Variants in FAM110B observed in about 807,000 individuals in gnomAD.
FAM110B encodes protein FAM110B.
FAM110B carries 6 observed loss-of-function variants against 20.4 expected under a neutral mutation model. The ratio of observed to expected loss-of-function variants is 0.29; its 90% CI spans 0.16 to 0.58. The LOEUF (loss-of-function observed/expected upper bound fraction) is 0.58, where lower values mean the gene tolerates loss of function less well. Among genes scored for constraint, FAM110B ranks in the 20% least tolerant of loss-of-function variants. The pLI, the probability that FAM110B is intolerant of heterozygous loss-of-function variation, is 0.90. For missense variants in FAM110B, 434 were observed against 498.2 expected (o/e 0.87, Z 1.23); for synonymous variants, 226 against 214.1 (o/e 1.06, Z -0.49).
chr8:58,055,982 G>A (rs1563353325), intron 2 of FAM110B, among the ~76,000 whole-genome samples: 1 of 152,202 alleles, frequency 6.6e-6, no homozygotes, highest in Non-Finnish European at 1.5e-5. Context: ...GATTCCACTT[G>A]ATGTTTTAGT....
chr8:58,022,485 A>T (rs958061399), intron 1 of FAM110B, among the ~76,000 whole-genome samples: 2 of 152,184 alleles, frequency 1.3e-5, no homozygotes, highest in African/African-American at 4.8e-5. Flanking sequence ...TACTTACTCC[A>T]CTGAACTGTA....
chr8:58,039,423 T>C (rs892120952), intron 2 of FAM110B, among the ~76,000 whole-genome samples: 1 of 152,208 alleles, frequency 6.6e-6, no homozygotes, highest in Admixed American at 6.5e-5. Context: ...GGCCTTTGTC[T>C]CCAGCTTCAC....
chr8:58,106,172 T>C (rs936706408), intron 3 of FAM110B: 2 of 152,210 alleles, frequency 1.3e-5, no homozygotes, highest in African/African-American at 4.8e-5. Context: ...TTAGTTACCA[T>C]AGTATATTAA....
intron 1 of FAM110B, among the ~76,000 whole-genome samples, chr8:58,010,028 T>G (rs1804496067): frequency 6.6e-6 from 1 of 152,098 alleles, no homozygotes; most frequent in African/African-American, 2.4e-5. Context: ...CTGGTGAAAC[T>G]CGGTTTGAGA....
rs1804287592 is a variant in FAM110B at position 58,001,194 on chromosome 8, C to T, written c.-512+6388C>T. On this transcript the variant is annotated intron_variant, in intron 1 of 3. Coordinates refer to ENST00000519262, the MANE Select transcript of FAM110B (RefSeq NM_001377989.1). ...CTTCTTAGTGAATCTGTATGTTCCT[C>T]TCTTATTGGTGGAGAGTAGTACAGT... Among the ~76,000 whole-genome samples, 6 of 152,044 alleles carry T rather than the reference C, an allele frequency of 3.9e-5. No homozygotes were observed. In the South Asian group the frequency reaches 1.2e-3, roughly 32 times the overall value.
chr8:58,118,646 G>T (rs10096582), intron 3 of FAM110B, among the ~76,000 whole-genome samples: 4,625 of 152,248 alleles, frequency 0.03, 123 homozygotes, highest in South Asian at 0.09. Context: ...CACACTTTTA[G>T]TTACAAAGCA....
At chr8:58,125,209 G>A (rs1052501015) in intron 3 of FAM110B, among the ~76,000 whole-genome samples, 7 of 152,138 alleles carry the variant, frequency 4.6e-5, no homozygotes, top group African/African-American at 9.7e-5. Flanking sequence ...TTAGCTGGGC[G>A]TGGTGGCGCA....
At chr8:58,106,850 G>A (rs1806930598) in intron 3 of FAM110B, among the ~76,000 whole-genome samples, 1 of 152,206 alleles carries the variant, frequency 6.6e-6, no homozygotes. Context: ...AAGACTGAAA[G>A]TCTAAAACCT....
At chr8:58,138,644 T>C (rs2150640718) in intron 3 of FAM110B, among the ~76,000 whole-genome samples, 1 of 152,316 alleles carries the variant, frequency 6.6e-6, no homozygotes, top group African/African-American at 2.4e-5. Context: ...TCCAGTAGAC[T>C]TGCTAGCTTG....
At chr8:58,083,311 T>A (rs1020292994) in intron 3 of FAM110B, among the ~76,000 whole-genome samples, 1 of 152,172 alleles carries the variant, frequency 6.6e-6, no homozygotes, top group African/African-American at 2.4e-5. Flanking sequence ...TTATGTTTAG[T>A]TGTAGTTGAA....
At chr8:58,123,339 C>G (rs1807412021) in intron 3 of FAM110B, among the ~76,000 whole-genome samples, 1 of 152,202 alleles carries the variant, frequency 6.6e-6, no homozygotes, top group Non-Finnish European at 1.5e-5. Context: ...CAAATGCACT[C>G]ACTTCTCCCT....
chr8:58,045,681 G>T (rs1227161641), intron 2 of FAM110B, among the ~76,000 whole-genome samples: 1 of 152,154 alleles, frequency 6.6e-6, no homozygotes, highest in Non-Finnish European at 1.5e-5. Flanking sequence ...TCGGCCATCT[G>T]TGAAAACCAC....
At chr8:58,079,673 C>T (rs113840493) in intron 3 of FAM110B, among the ~76,000 whole-genome samples, 4,199 of 151,830 alleles carry the variant, frequency 0.028, 86 homozygotes, top group South Asian at 0.082. Context: ...TCCAGCTGCA[C>T]GGGAGGCTGA....
intron 3 of FAM110B, among the ~76,000 whole-genome samples, chr8:58,123,408 C>A (rs1429378536): frequency 6.6e-6 from 1 of 152,152 alleles, no homozygotes; most frequent in Admixed American, 6.5e-5. Context: ...AGTTCCAATT[C>A]ATCTGTACAC....
chr8:58,040,935 CTTTT>C (rs60228265), intron 2 of FAM110B, among the ~76,000 whole-genome samples: 7,884 of 97,264 alleles, frequency 0.081, 225 homozygotes, highest in East Asian at 0.2. Flanking sequence ...ATGGGAAAAT[CTTTT>C]TTTTTTTTTT....
chr8:58,033,568 C>CA (rs1262571984), intron 2 of FAM110B, among the ~76,000 whole-genome samples: 1 of 151,810 alleles, frequency 6.6e-6, no homozygotes, highest in Non-Finnish European at 1.5e-5. Flanking sequence ...TTTCAACAAG[C>CA]AAAAAACCAA....
intron 3 of FAM110B, among the ~76,000 whole-genome samples, chr8:58,091,841 C>T (rs895221329): frequency 6.6e-6 from 1 of 152,146 alleles, no homozygotes; most frequent in Non-Finnish European, 1.5e-5. Flanking sequence ...CAGCCTGTTA[C>T]CATGGAGACA....
chr8:58,144,731 T>C (rs972781791), intron 3 of FAM110B, among the ~76,000 whole-genome samples: 1 of 152,224 alleles, frequency 6.6e-6, no homozygotes, highest in African/African-American at 2.4e-5. Flanking sequence ...AAAGATGCTG[T>C]TAAGGTCATT....
intron 3 of FAM110B, among the ~76,000 whole-genome samples, chr8:58,079,724 T>C (rs1189664088): frequency 6.6e-6 from 1 of 151,916 alleles, no homozygotes. Context: ...GAGGCTGCAG[T>C]GAGCTACGAT....
Sources: gnomAD v4.1 joint callset for allele counts (sites outside exome capture counted in the v4.1 genomes callset) on GRCh38, gnomAD v4.1.1 for gene constraint, MANE v1.5 for transcripts, NCBI Gene and HGNC (gene_info 2026-07-23, HGNC 2026-07-21) for gene names.